The following MCC variants were observed in gnomAD, a reference collection of about 807,000 sequenced individuals.
The protein encoded by MCC is MCC regulator of Wnt signaling pathway.
Under a neutral mutation model 116.2 loss-of-function variants are expected in MCC, and 90 were observed. The observed-to-expected ratio is 0.77, with a 90% confidence interval of 0.65 to 0.92. MCC has a LOEUF of 0.92. MCC is among the 40% of genes least tolerant of loss of function. The pLI, the probability that MCC is intolerant of heterozygous loss-of-function variation, is 0.00. For missense variants in MCC, 1,516 were observed against 1,312.2 expected (o/e 1.16, Z -2.40); for synonymous variants, 578 against 510.5 (o/e 1.13, Z -1.78).
intron 6 of MCC, among the ~76,000 whole-genome samples, chr5:113,107,017 G>T (rs1756776853): frequency 6.6e-6 from 1 of 151,904 alleles, no homozygotes; most frequent in East Asian, 1.9e-4. Flanking sequence ...TTACATGTTT[G>T]TTTTCTCTCC....
At chr5:113,482,323 G>C (rs1317522420) in intron 1 of MCC, among the ~76,000 whole-genome samples, 2 of 152,186 alleles carry the variant, frequency 1.3e-5, no homozygotes, top group Non-Finnish European at 2.9e-5. Context: ...TTATGTTTTA[G>C]AGGAATTGCT....
chr5:113,292,764 T>C (rs73246677), intron 3 of MCC, among the ~76,000 whole-genome samples: 22,826 of 152,110 alleles, frequency 0.15, 2,507 homozygotes, highest in Admixed American at 0.28. Flanking sequence ...CTCTGCTGCA[T>C]AGAAACATCG....
At position 113,212,018 on chromosome 5, in the gene MCC, T is replaced by A. The variant is rs73244751; in HGVS notation, c.628-60596A>T. 4.5e-3 allele frequency among the ~76,000 whole-genome samples: 691 copies of A among 152,296 alleles called. 6 individuals are homozygous for A. The highest frequency in any genetic ancestry group is 0.016 in the African/African-American group (652 of 41,558). On this transcript the variant is annotated intron_variant, in intron 3 of 18. Coordinates refer to ENST00000408903, the MANE Select transcript of MCC (RefSeq NM_001085377.2). ...TACATGGCTTCCCTGAGAGAATATC[T>A]CTAAGATGCAGTAAGATCCCAGACA... is the stretch of plus-strand genomic sequence containing the variant.
chr5:113,253,059 G>A (rs1764861334), intron 3 of MCC, among the ~76,000 whole-genome samples: 2 of 151,944 alleles, frequency 1.3e-5, no homozygotes, highest in South Asian at 2.1e-4. Flanking sequence ...AATACCCCAG[G>A]GCTTCTAGAT....
At chr5:113,118,732 T>C (rs970128562) in intron 6 of MCC, among the ~76,000 whole-genome samples, 7 of 152,222 alleles carry the variant, frequency 4.6e-5, no homozygotes, top group Non-Finnish European at 1.0e-4. Flanking sequence ...TGGAAGCTTT[T>C]TTCCTGTTGA....
chr5:113,098,962 C>T (rs1205251495), intron 8 of MCC, among the ~76,000 whole-genome samples: 1 of 152,160 alleles, frequency 6.6e-6, no homozygotes, highest in Non-Finnish European at 1.5e-5. Flanking sequence ...CAGAGCTACA[C>T]ATCGTCAAGA....
chr5:113,471,973 T>C (rs1204358229), intron 1 of MCC, among the ~76,000 whole-genome samples: 2 of 151,980 alleles, frequency 1.3e-5, no homozygotes, highest in Non-Finnish European at 2.9e-5. Flanking sequence ...AGGTGAGGGA[T>C]ATAATCTCCT....
intron 3 of MCC, among the ~76,000 whole-genome samples, chr5:113,337,815 G>C (rs1767906244): frequency 6.6e-6 from 1 of 152,168 alleles, no homozygotes; most frequent in African/African-American, 2.4e-5. Flanking sequence ...TAAATAAAGG[G>C]ATTGCCCAAA....
intron 3 of MCC, among the ~76,000 whole-genome samples, chr5:113,282,607 C>T (rs2150357716): frequency 6.6e-6 from 1 of 152,256 alleles, no homozygotes; most frequent in East Asian, 1.9e-4. Flanking sequence ...CTCTTCCTGT[C>T]CTGGAGTCCA....
intron 3 of MCC, among the ~76,000 whole-genome samples, chr5:113,257,921 T>C (rs1224464319): frequency 1.3e-5 from 2 of 152,028 alleles, no homozygotes; most frequent in African/African-American, 2.4e-5. Flanking sequence ...GACAGATGGA[T>C]AGATGGTAGC....
At chr5:113,305,488 T>G (rs1268345219) in intron 3 of MCC, among the ~76,000 whole-genome samples, 1 of 152,242 alleles carries the variant, frequency 6.6e-6, no homozygotes, top group South Asian at 2.1e-4. Flanking sequence ...CAAATTTGTG[T>G]AAATGGAATC....
intron 6 of MCC, among the ~76,000 whole-genome samples, chr5:113,107,601 C>A (rs887937497): frequency 1.3e-5 from 2 of 152,196 alleles, no homozygotes; most frequent in Non-Finnish European, 2.9e-5. Flanking sequence ...AGAGACCACA[C>A]CAACCAGCCT....
intron 3 of MCC, among the ~76,000 whole-genome samples, chr5:113,299,063 C>T (rs573340529): frequency 8.2e-4 from 125 of 151,852 alleles, no homozygotes; most frequent in African/African-American, 2.7e-3. Context: ...CCAACACAGG[C>T]GGATCACGAG....
chr5:113,096,914 G>A (rs1756060521), intron 8 of MCC, among the ~76,000 whole-genome samples: 1 of 152,160 alleles, frequency 6.6e-6, no homozygotes, highest in Non-Finnish European at 1.5e-5. Context: ...GCACACTGAA[G>A]CCAGACCTGG....
At chr5:113,135,398 CA>C (rs10715437) in intron 5 of MCC, among the ~76,000 whole-genome samples, 137,469 of 143,332 alleles carry the variant, frequency 0.96, 66,197 homozygotes, top group East Asian at 1. Flanking sequence ...ACTAAAAATA[CA>C]AAAAAAAAAA....
At chr5:113,242,202 T>C (rs1456863853) in intron 3 of MCC, among the ~76,000 whole-genome samples, 1 of 152,206 alleles carries the variant, frequency 6.6e-6, no homozygotes, top group Admixed American at 6.5e-5. Flanking sequence ...CAGAATACCA[T>C]TTGAGTTCAT....
At chr5:113,215,011 C>T (rs1763258162) in intron 3 of MCC, among the ~76,000 whole-genome samples, 3 of 138,458 alleles carry the variant, frequency 2.2e-5, no homozygotes, top group African/African-American at 3.5e-5. Flanking sequence ...ATTTCCCTTA[C>T]TTGGAACACA....
At chr5:113,327,741 G>C (rs1475304910) in intron 3 of MCC, among the ~76,000 whole-genome samples, 2 of 150,580 alleles carry the variant, frequency 1.3e-5, no homozygotes, top group African/African-American at 2.4e-5. Context: ...ACAAAGAGCA[G>C]CTGACATTTG....
intron 1 of MCC, among the ~76,000 whole-genome samples, chr5:113,391,106 G>A (rs1769389494): frequency 6.6e-6 from 1 of 152,146 alleles, no homozygotes; most frequent in Admixed American, 6.5e-5. Flanking sequence ...AATAAGTAGA[G>A]TGAAGTACAA....
Sources: allele counts gnomAD v4.1 joint callset (sites outside exome capture counted in the v4.1 genomes callset), GRCh38; gene constraint gnomAD v4.1.1; transcripts MANE v1.5; gene names NCBI Gene and HGNC (gene_info 2026-07-23, HGNC 2026-07-21).